MELK: variants seen among roughly 807,000 people sequenced by gnomAD.
The protein encoded by MELK is pEg3 kinase.
In MELK, 81 loss-of-function variants were observed where a neutral mutation model predicts 85.0. The ratio of observed to expected loss-of-function variants is 0.95; its 90% confidence interval spans 0.80 to 1.15. MELK has a LOEUF of 1.15. Ranked by LOEUF, MELK falls within the 50% of genes most tolerant of loss-of-function variation. The pLI is 0.00. For missense variants in MELK, 754 were observed against 777.5 expected, an observed-to-expected ratio of 0.97 and a Z score of 0.36; for synonymous variants, 252 against 265.0, an observed-to-expected ratio of 0.95 and a Z score of 0.48.
intron 14 of MELK, among the ~76,000 whole-genome samples, chr9:36,668,593 A>C (rs2138004542): frequency 1.4e-5 from 1 of 72,198 alleles, no homozygotes; most frequent in Non-Finnish European, 4.2e-5. Context: ...GCTCACTGCA[A>C]CATCTGCCTA....
intron 3 of MELK, among the ~76,000 whole-genome samples, chr9:36,588,374 G>A (rs1823169617): frequency 6.9e-6 from 1 of 145,808 alleles, no homozygotes; most frequent in African/African-American, 2.7e-5. Flanking sequence ...CTGGCCCAGA[G>A]TCCCTCCCTT....
chr9:36,611,240 T>C (rs886581865), intron 8 of MELK, among the ~76,000 whole-genome samples: 3 of 152,176 alleles, frequency 2.0e-5, no homozygotes, highest in South Asian at 2.1e-4. Flanking sequence ...CAAAGTGAAC[T>C]AGAATTGAAT....
intron 1 of MELK, among the ~76,000 whole-genome samples, chr9:36,575,748 T>G (rs1387880651): frequency 1.3e-5 from 2 of 152,238 alleles, no homozygotes; most frequent in East Asian, 1.9e-4. Context: ...TATGACACTC[T>G]TAAATCCCTA....
intron 14 of MELK, among the ~76,000 whole-genome samples, chr9:36,668,888 C>T (rs1156825527): frequency 3.3e-5 from 5 of 151,990 alleles, no homozygotes; most frequent in African/African-American, 9.7e-5. Context: ...TGAGTTGAAT[C>T]GGGCTATGAA....
chr9:36,600,738 A>G (rs1042872268), intron 7 of MELK, among the ~76,000 whole-genome samples: 1 of 152,188 alleles, frequency 6.6e-6, no homozygotes, highest in Non-Finnish European at 1.5e-5. Flanking sequence ...TCAGGAAAGG[A>G]ACATCACAGA....
At chr9:36,668,325 ATAT>A (rs1470646205) in intron 14 of MELK, among the ~76,000 whole-genome samples, 20 of 152,158 alleles carry the variant, frequency 1.3e-4, no homozygotes, top group African/African-American at 4.1e-4. Flanking sequence ...TAAAATTTTG[ATAT>A]TATATCTTTG....
At chr9:36,627,053 AACACACACACACACACACACAC>A (rs10608377) in intron 8 of MELK, among the ~76,000 whole-genome samples, 1 of 140,872 alleles carries the variant, frequency 7.1e-6, no homozygotes, top group East Asian at 2.1e-4. Context: ...CACAAGCGCA[AACACACACACACACACACACAC>A]ACACACACAC....
At chr9:36,668,530 C>T (rs906364108) in intron 14 of MELK, among the ~76,000 whole-genome samples, 6 of 151,092 alleles carry the variant, frequency 4.0e-5, no homozygotes, top group East Asian at 3.9e-4. Flanking sequence ...TTTTTTTTTC[C>T]GAGATGAAGT....
At chr9:36,661,966 CAAAG>C (rs1258271551) in intron 13 of MELK, among the ~76,000 whole-genome samples, 6 of 149,408 alleles carry the variant, frequency 4.0e-5, no homozygotes, top group African/African-American at 9.8e-5. Flanking sequence ...ACAAAACAAA[CAAAG>C]AAAAAAACAT....
At chr9:36,659,550 C>A (rs1022685501) in intron 13 of MELK, among the ~76,000 whole-genome samples, 1 of 152,124 alleles carries the variant, frequency 6.6e-6, no homozygotes, top group African/African-American at 2.4e-5. Context: ...ATTATAATAT[C>A]ATATTTTTAC....
chr9:36,579,153 G>A (rs1412245987), intron 1 of MELK, among the ~76,000 whole-genome samples: 2 of 152,104 alleles, frequency 1.3e-5, no homozygotes, highest in Non-Finnish European at 2.9e-5. Context: ...TCAGCCTCCC[G>A]AGTAGCTGGG....
chr9:36,670,610 C>T (rs73645817), intron 15 of MELK, among the ~76,000 whole-genome samples: 2,886 of 151,226 alleles, frequency 0.019, 82 homozygotes, highest in African/African-American at 0.063. Context: ...TATCTATATA[C>T]ATATGTACAT....
chr9:36,575,837 A>G (rs1160477506), intron 1 of MELK, among the ~76,000 whole-genome samples: 4 of 152,222 alleles, frequency 2.6e-5, no homozygotes, highest in African/African-American at 7.2e-5. Context: ...AGTCCTTTGC[A>G]TGGAATGTAA....
chr9:36,665,303 G>T, intron 13 of MELK, 47 bp from the exon 14 acceptor site: 1 of 1,173,380 alleles, frequency 8.5e-7, no homozygotes, highest in South Asian at 1.4e-5. Flanking sequence ...TAAAGAAATT[G>T]ACTTTTCTTC....
At chr9:36,613,577 TG>T (rs1374540584) in intron 8 of MELK, among the ~76,000 whole-genome samples, 1 of 152,022 alleles carries the variant, frequency 6.6e-6, no homozygotes, top group Non-Finnish European at 1.5e-5. Flanking sequence ...GGAGTACAGA[TG>T]GGGGAGTTGT....
intron 8 of MELK, among the ~76,000 whole-genome samples, chr9:36,618,528 A>C (rs1279442795): frequency 6.6e-6 from 1 of 152,198 alleles, no homozygotes; most frequent in Non-Finnish European, 1.5e-5. Flanking sequence ...TAGTCTTGCT[A>C]ATTTCAAGTT....
At chr9:36,609,587 A>C (rs1825896206) in intron 8 of MELK, among the ~76,000 whole-genome samples, 2 of 151,666 alleles carry the variant, frequency 1.3e-5, no homozygotes, top group African/African-American at 4.8e-5. Flanking sequence ...AGCTGGGACC[A>C]CAGGCACTGC....
chr9:36,629,704 C>G (rs1045573729), intron 8 of MELK, among the ~76,000 whole-genome samples: 4 of 152,148 alleles, frequency 2.6e-5, no homozygotes, highest in Non-Finnish European at 5.9e-5. Context: ...CCATTTAATA[C>G]TACAGATTCC....
chr9:36,600,248 G>A (rs968015540), intron 7 of MELK, among the ~76,000 whole-genome samples: 33 of 151,866 alleles, frequency 2.2e-4, no homozygotes, highest in African/African-American at 6.3e-4. Flanking sequence ...CTGCCATCAC[G>A]TTTGGCTAAT....
Sources: allele counts gnomAD v4.1 joint callset (sites outside exome capture counted in the v4.1 genomes callset), GRCh38; gene constraint gnomAD v4.1.1; transcripts MANE v1.5; gene names NCBI Gene and HGNC (gene_info 2026-07-23, HGNC 2026-07-21).